Variants in PPP3R1 observed in about 807,000 individuals in gnomAD.
PPP3R1 encodes the protein protein phosphatase 3 regulatory subunit B, alpha, also known as calcineurin subunit B type 1.
PPP3R1 carries 5 observed loss-of-function variants against 22.6 expected under a neutral mutation model. The ratio of observed to expected loss-of-function variants is 0.22; its 90% CI spans 0.12 to 0.46. The LOEUF (loss-of-function observed/expected upper bound fraction) is 0.46. Among genes scored for constraint, PPP3R1 ranks in the 20% least tolerant of loss-of-function variants. PPP3R1 has a pLI of 0.99. For synonymous variants in PPP3R1, 56 were observed against 65.2 expected, an observed-to-expected ratio of 0.86 and a Z score of 0.68; for missense variants, 61 against 203.2, an observed-to-expected ratio of 0.30 and a Z score of 4.25.
At chr2:68,195,599 G>C (rs1674751193) in intron 2 of PPP3R1, among the ~76,000 whole-genome samples, 1 of 152,042 alleles carries the variant, frequency 6.6e-6, no homozygotes, top group Non-Finnish European at 1.5e-5. Flanking sequence ...CCATCAGCAG[G>C]TCCTGTCTGC....
chr2:68,216,218 G>A (rs1316272356), intron 2 of PPP3R1, among the ~76,000 whole-genome samples: 1 of 151,948 alleles, frequency 6.6e-6, no homozygotes, highest in Non-Finnish European at 1.5e-5. Flanking sequence ...AAAGCTTACT[G>A]GGATATTAAT....
chr2:68,239,006 A>C (rs1177211058), intron 1 of PPP3R1, among the ~76,000 whole-genome samples: 1 of 151,132 alleles, frequency 6.6e-6, no homozygotes, highest in Non-Finnish European at 1.5e-5. Flanking sequence ...GCTGAATAAT[A>C]AACATAATAA....
intron 5 of PPP3R1, among the ~76,000 whole-genome samples, chr2:68,186,007 C>A (rs1245996255): frequency 3.3e-5 from 5 of 152,168 alleles, no homozygotes; most frequent in African/African-American, 1.2e-4. Flanking sequence ...GAAAATCTTT[C>A]TATGGAAGCA....
chr2:68,214,107 G>T (rs1669534255), intron 2 of PPP3R1, among the ~76,000 whole-genome samples: 1 of 152,106 alleles, frequency 6.6e-6, no homozygotes, highest in African/African-American at 2.4e-5. Flanking sequence ...ACTGAAATTG[G>T]ACCCCCTTCC....
At chr2:68,221,368 T>A (rs1669686197) in intron 1 of PPP3R1, among the ~76,000 whole-genome samples, 1 of 150,984 alleles carries the variant, frequency 6.6e-6, no homozygotes, top group African/African-American at 2.4e-5. Flanking sequence ...CATGTTAGCA[T>A]ATGCCTGTAG....
At chr2:68,212,025 C>T (rs1669497321) in intron 2 of PPP3R1, among the ~76,000 whole-genome samples, 2 of 152,218 alleles carry the variant, frequency 1.3e-5, no homozygotes, top group African/African-American at 4.8e-5. Flanking sequence ...ATTTTGACTT[C>T]CCATGAATCA....
At chr2:68,251,374 A>G (rs1670347350) in intron 1 of PPP3R1, among the ~76,000 whole-genome samples, 1 of 152,222 alleles carries the variant, frequency 6.6e-6, no homozygotes, top group Non-Finnish European at 1.5e-5. Context: ...GGTACCAAAG[A>G]AAATGAAAAA....
intron 2 of PPP3R1, among the ~76,000 whole-genome samples, chr2:68,192,149 AGT>A (rs1320812266): frequency 6.6e-6 from 1 of 152,216 alleles, no homozygotes; most frequent in African/African-American, 2.4e-5. Context: ...CATTCAGAAC[AGT>A]GTCTCAAAGT....
rs560363918 is a variant in PPP3R1 at position 68,178,995 on chromosome 2, TAAAAAAAAAA to T, written c.*1958_*1967del. Reference sequence around the variant, plus strand: ...CCCTTACCCACCCCCACACACAAACTAAAAAAAAAAAAAAAAAAAAAGAAAAAGAAAAAAC... The same window carrying T: ...CCCTTACCCACCCCCACACACAAACTAAAAAAAAAAAGAAAAAGAAAAAAC... On this transcript the variant is annotated 3_prime_UTR_variant, in exon 6 of 6. Coordinates refer to ENST00000234310, the MANE Select transcript of PPP3R1 (RefSeq NM_000945.4). 1.1e-5 allele frequency: 1 copy of T among 93,752 alleles called. No individual in the cohort carries two copies. The highest frequency in any genetic ancestry group is 2.0e-5 in the Non-Finnish European group (1 of 48,820). The allele number at this position is 93,752 out of a possible 1,614,324, so 5.8% of individuals were successfully genotyped here. A position where few individuals can be genotyped will look rare whatever the true frequency, so the allele number is the denominator to read the frequency against.
At chr2:68,219,715 G>C (rs1424821066) in intron 1 of PPP3R1, among the ~76,000 whole-genome samples, 1 of 152,134 alleles carries the variant, frequency 6.6e-6, no homozygotes, top group Non-Finnish European at 1.5e-5. Context: ...TACTGTGAGA[G>C]ACATACCCAA....
intron 2 of PPP3R1, among the ~76,000 whole-genome samples, chr2:68,209,140 C>T (rs1024229599): frequency 1.3e-5 from 2 of 149,856 alleles, no homozygotes; most frequent in Admixed American, 6.6e-5. Context: ...GGGCGGATCA[C>T]GAGGTCAGGA....
intron 2 of PPP3R1, among the ~76,000 whole-genome samples, chr2:68,208,737 C>T (rs1669387062): frequency 6.6e-6 from 1 of 151,560 alleles, no homozygotes; most frequent in Non-Finnish European, 1.5e-5. Flanking sequence ...GAGTTCGAGA[C>T]CAGCCTGATC....
At position 68,252,391 on chromosome 2, in the gene PPP3R1, G is replaced by C; in HGVS notation, c.-264C>G. The C allele has an allele frequency of 1.0e-6, 1 of 1,001,896 alleles. No individual in the cohort carries two copies. Among genetic ancestry groups the C allele is most frequent in the Non-Finnish European group, 1.2e-6 (1 of 841,920 alleles). 62.1% of individuals were successfully genotyped at this position (1,001,896 alleles called of 1,614,324 possible). A position where few individuals can be genotyped will look rare whatever the true frequency, so the allele number is the denominator to read the frequency against. ...GAGCGCGGGAGGAGCAGCGGCGAGAGGCAGGAGAGGCAGAGAAGAAGAAAG... is the reference window on the plus strand; with the variant it reads ...GAGCGCGGGAGGAGCAGCGGCGAGACGCAGGAGAGGCAGAGAAGAAGAAAG... On this transcript the variant is annotated 5_prime_UTR_variant, in exon 1 of 6. Transcript: ENST00000234310.
intron 2 of PPP3R1, among the ~76,000 whole-genome samples, chr2:68,209,130 G>A (rs1484323276): frequency 4.1e-4 from 61 of 150,288 alleles, no homozygotes; most frequent in African/African-American, 1.4e-3. Context: ...AGGCCGAGGC[G>A]GGCGGATCAC....
At chr2:68,231,116 A>G in intron 1 of PPP3R1, among the ~76,000 whole-genome samples, 1 of 152,084 alleles carries the variant, frequency 6.6e-6, no homozygotes, top group East Asian at 1.9e-4. Flanking sequence ...CTCTAACGAC[A>G]CAAGTGTTAA....
intron 2 of PPP3R1, among the ~76,000 whole-genome samples, chr2:68,213,062 T>G (rs995770647): frequency 6.6e-6 from 1 of 152,270 alleles, no homozygotes; most frequent in Non-Finnish European, 1.5e-5. Flanking sequence ...TGTGGCTGGT[T>G]TGACCTGCTA....
At chr2:68,246,915 T>A (rs1450276685) in intron 1 of PPP3R1, among the ~76,000 whole-genome samples, 2 of 152,156 alleles carry the variant, frequency 1.3e-5, no homozygotes, top group African/African-American at 4.8e-5. Context: ...GCCAATTACC[T>A]GTTGGCCATA....
At chr2:68,184,496 T>TA (rs1264849951) in intron 5 of PPP3R1, among the ~76,000 whole-genome samples, 2 of 152,192 alleles carry the variant, frequency 1.3e-5, no homozygotes, top group Non-Finnish European at 2.9e-5. Context: ...GAGGTAAAAA[T>TA]AAATTATACA....
intron 1 of PPP3R1, among the ~76,000 whole-genome samples, chr2:68,242,444 G>C (rs1388938213): frequency 6.6e-6 from 1 of 150,984 alleles, no homozygotes; most frequent in African/African-American, 2.4e-5. Flanking sequence ...AAAAAGAAAA[G>C]AAAAACAAGA....
Sources: gnomAD v4.1 joint callset for allele counts (sites outside exome capture counted in the v4.1 genomes callset) on GRCh38, gnomAD v4.1.1 for gene constraint, MANE v1.5 for transcripts, NCBI Gene and HGNC (gene_info 2026-07-23, HGNC 2026-07-21) for gene names.